Variants in SEMA3D observed in about 807,000 individuals in gnomAD.
The protein encoded by SEMA3D is semaphorin-3D.
Under a neutral mutation model 100.1 loss-of-function variants are expected in SEMA3D, and 84 were observed. The observed-to-expected ratio is 0.84, with a 90% confidence interval of 0.70 to 1.01. The LOEUF (loss-of-function observed/expected upper bound fraction) is 1.01, where lower values mean the gene tolerates loss of function less well. Ranked by LOEUF, SEMA3D falls within the 50% of genes least tolerant of loss-of-function variation. The pLI, the probability that SEMA3D is intolerant of heterozygous loss-of-function variation, is 0.00. For synonymous variants in SEMA3D, 312 were observed against 320.7 expected (o/e 0.97, Z 0.29); for missense variants, 875 against 934.1 (o/e 0.94, Z 0.82).
chr7:85,165,049 T>C (rs1275983729), intron 1 of SEMA3D, among the ~76,000 whole-genome samples: 2 of 143,622 alleles, frequency 1.4e-5, no homozygotes, highest in Non-Finnish European at 3.0e-5. Flanking sequence ...CCTGTGTCCC[T>C]GTGTTCTCAT....
chr7:85,151,778 A>T, intron 2 of SEMA3D: 1 of 838,514 alleles, frequency 1.2e-6, no homozygotes, highest in South Asian at 5.5e-5. Context: ...TTAAACTATT[A>T]TATTAGAAGA....
At position 85,121,815 on chromosome 7, in the gene SEMA3D, C is replaced by T; in HGVS notation, c.77G>A (p.Ser26Asn). ...FHLFPALMML[S>N]MTMLFLPVTG... Reference sequence around the variant, plus strand: ...GACTGGAAGAAACAACATGGTCATGCTTAGCATCATCAAAGCAGGAAAAAG... The same window carrying T: ...GACTGGAAGAAACAACATGGTCATGTTTAGCATCATCAAAGCAGGAAAAAG... The change falls in exon 3 of 19, where the codon AGC (serine) becomes AAC (asparagine). Residue 26 changes from serine (S) to asparagine (N), a missense_variant. Physicochemically the swap from Ser to Asn is conservative, Grantham distance 46. Coordinates refer to ENST00000284136, the MANE Select transcript of SEMA3D (RefSeq NM_001384900.1). 1 of 1,610,356 alleles carries T rather than the reference C, an allele frequency of 6.2e-7. No individual in the cohort carries two copies. Among genetic ancestry groups the T allele is most frequent in the Non-Finnish European group, 8.5e-7 (1 of 1,178,408 alleles).
chr7:85,200,769 C>T, the SEMA3D span, among the ~76,000 whole-genome samples: 20 of 152,298 alleles, frequency 1.3e-4, no homozygotes, highest in South Asian at 4.1e-3. Context: ...CCCCTCCCAT[C>T]ACAGGCCAGG....
chr7:85,176,039 G>C (rs866286505), intron 1 of SEMA3D, among the ~76,000 whole-genome samples: 2 of 151,552 alleles, frequency 1.3e-5, no homozygotes, highest in Non-Finnish European at 2.9e-5. Flanking sequence ...GTATTCACAA[G>C]CCATCATGAA....
the SEMA3D span, among the ~76,000 whole-genome samples, chr7:85,235,817 G>A: frequency 2.6e-5 from 4 of 152,096 alleles, no homozygotes; most frequent in East Asian, 1.9e-4. Context: ...GAATACCACC[G>A]CAGGTCTGAG....
At chr7:85,223,795 C>T in the SEMA3D span, among the ~76,000 whole-genome samples, 1 of 151,852 alleles carries the variant, frequency 6.6e-6, no homozygotes, top group Non-Finnish European at 1.5e-5. Context: ...TAAAAGACTA[C>T]ACATTGGGTA....
the SEMA3D span, among the ~76,000 whole-genome samples, chr7:85,208,195 T>G: frequency 5.3e-5 from 8 of 152,064 alleles, no homozygotes; most frequent in Non-Finnish European, 1.2e-4. Context: ...GCTTAAACAT[T>G]TAAAATATTT....
chr7:85,043,212 A>C lies in SEMA3D; in HGVS notation c.862-927T>G, dbSNP rs114944446. Among the ~76,000 whole-genome samples, 534 of 152,144 alleles carry C rather than the reference A, an allele frequency of 3.5e-3. 3 individuals carry two copies. Among genetic ancestry groups the C allele is most frequent in the African/African-American group, 0.013 (519 of 41,520 alleles). On this transcript the variant is annotated intron_variant, in intron 9 of 18. Transcript: ENST00000284136. ...ATCTCTACAAAAATTTTAAAAATTC[A>C]GTCATGTGTGGTGGGGTGTCCCTGT...
chr7:85,230,331 C>T, the SEMA3D span, among the ~76,000 whole-genome samples: 1 of 152,148 alleles, frequency 6.6e-6, no homozygotes, highest in African/African-American at 2.4e-5. Flanking sequence ...TACCAATATC[C>T]AACTTGGGAT....
At chr7:85,248,274 A>G in the SEMA3D span, among the ~76,000 whole-genome samples, 1 of 152,134 alleles carries the variant, frequency 6.6e-6, no homozygotes, top group Non-Finnish European at 1.5e-5. Context: ...CAACAATGAG[A>G]TACTACTACA....
intron 5 of SEMA3D, among the ~76,000 whole-genome samples, chr7:85,080,914 C>G (rs908630757): frequency 6.6e-6 from 1 of 152,136 alleles, no homozygotes; most frequent in Non-Finnish European, 1.5e-5. Context: ...TTCATTAGTA[C>G]CCTCTATTTG....
At chr7:85,086,024 C>T (rs1219217775) in intron 4 of SEMA3D, among the ~76,000 whole-genome samples, 1 of 152,092 alleles carries the variant, frequency 6.6e-6, no homozygotes. Context: ...TATACAAGCA[C>T]AGGGATTATG....
At chr7:85,249,556 C>T in the SEMA3D span, among the ~76,000 whole-genome samples, 1 of 152,170 alleles carries the variant, frequency 6.6e-6, no homozygotes, top group African/African-American at 2.4e-5. Context: ...TCCCTTGAAA[C>T]TACCTTATCC....
At chr7:85,179,287 G>A (rs1261996169) in intron 1 of SEMA3D, among the ~76,000 whole-genome samples, 2 of 152,126 alleles carry the variant, frequency 1.3e-5, no homozygotes, top group African/African-American at 4.8e-5. Context: ...CTTGCACTGT[G>A]CTGGAAAAGC....
intron 8 of SEMA3D, 22 bp from the exon 9 acceptor site, chr7:85,055,881 A>G: frequency 7.3e-6 from 10 of 1,365,564 alleles, no homozygotes; most frequent in Non-Finnish European, 1.0e-5. Context: ...AAAAGAAGCT[A>G]TAAATTAAGA....
chr7:85,121,187 A>G (rs1352261813), intron 3 of SEMA3D, among the ~76,000 whole-genome samples: 3 of 152,340 alleles, frequency 2.0e-5, no homozygotes, highest in Admixed American at 2.0e-4. Flanking sequence ...AAAGTTGACC[A>G]ACCATAATTC....
chr7:85,091,286 T>C (rs183798303), intron 4 of SEMA3D, among the ~76,000 whole-genome samples: 65 of 152,222 alleles, frequency 4.3e-4, no homozygotes, highest in African/African-American at 1.4e-3. Flanking sequence ...AAAGCAGTAC[T>C]CAGCTTGGTA....
intron 12 of SEMA3D, among the ~76,000 whole-genome samples, chr7:85,027,317 G>A (rs1004813094): frequency 5.9e-5 from 9 of 152,072 alleles, no homozygotes; most frequent in African/African-American, 1.7e-4. Context: ...ACATCTACAC[G>A]TATATCTCAA....
chr7:85,007,149 T>G (rs1404841219), intron 17 of SEMA3D, among the ~76,000 whole-genome samples: 1 of 151,934 alleles, frequency 6.6e-6, no homozygotes, highest in East Asian at 1.9e-4. Flanking sequence ...GTAATTTTTA[T>G]TCTTTCATCA....
Sources: allele counts gnomAD v4.1 joint callset (sites outside exome capture counted in the v4.1 genomes callset), GRCh38; gene constraint gnomAD v4.1.1; transcripts MANE v1.5; gene names NCBI Gene and HGNC (gene_info 2026-07-23, HGNC 2026-07-21).